ATP1B3: variants seen among roughly 807,000 people sequenced by gnomAD.
ATP1B3 encodes ATPase Na+/K+ transporting subunit beta 3, also known as sodium/potassium-transporting ATPase subunit beta-3.
ATP1B3 carries 10 observed loss-of-function variants against 30.2 expected under a neutral mutation model. That is an observed-to-expected ratio of 0.33 (90% CI 0.20 to 0.56). The LOEUF (loss-of-function observed/expected upper bound fraction) is 0.56. ATP1B3 is among the 20% of genes least tolerant of loss of function. The pLI is 0.90. For synonymous variants in ATP1B3, 113 were observed against 117.0 expected, an observed-to-expected ratio of 0.97 and a Z score of 0.22; for missense variants, 238 against 336.7, an observed-to-expected ratio of 0.71 and a Z score of 2.29.
At chr3:141,906,273 A>G (rs4683646) in intron 2 of ATP1B3, among the ~76,000 whole-genome samples, 16,403 of 151,578 alleles carry the variant, frequency 0.11, 1,087 homozygotes, top group Middle Eastern at 0.16. Flanking sequence ...TCTGTCTCCC[A>G]GGTTCAAGCA....
intron 4 of ATP1B3, among the ~76,000 whole-genome samples, chr3:141,914,179 G>C (rs1934415077): frequency 6.6e-6 from 1 of 152,206 alleles, no homozygotes; most frequent in Non-Finnish European, 1.5e-5. Flanking sequence ...TTAGGGTGCA[G>C]TGCTCATCTG....
intron 3 of ATP1B3, among the ~76,000 whole-genome samples, chr3:141,909,111 G>A (rs1372476022): frequency 6.6e-6 from 1 of 152,084 alleles, no homozygotes; most frequent in Admixed American, 6.6e-5. Context: ...ACCAAAAGCT[G>A]CTTCTGATCC....
At chr3:141,892,498 G>T (rs1057023146) in intron 1 of ATP1B3, among the ~76,000 whole-genome samples, 30 of 151,680 alleles carry the variant, frequency 2.0e-4, no homozygotes, top group Non-Finnish European at 1.3e-4. Flanking sequence ...ATTACAAATT[G>T]TTATTGAATA....
intron 1 of ATP1B3, among the ~76,000 whole-genome samples, chr3:141,887,667 T>C (rs1489550290): frequency 6.6e-6 from 1 of 152,224 alleles, no homozygotes; most frequent in African/African-American, 2.4e-5. Context: ...GTTCAGGTTT[T>C]TATCAGCTAG....
intron 6 of ATP1B3, 162 bp downstream of exon 6, chr3:141,922,225 C>A: frequency 2.0e-6 from 1 of 505,404 alleles, no homozygotes; most frequent in South Asian, 2.5e-5. Flanking sequence ...AATGGAGTTC[C>A]CACATTTACA....
intron 1 of ATP1B3, among the ~76,000 whole-genome samples, chr3:141,889,467 T>C (rs1933894728): frequency 6.6e-6 from 1 of 151,974 alleles, no homozygotes; most frequent in African/African-American, 2.4e-5. Context: ...CAATAGCTCA[T>C]GCCTGTGATC....
chr3:141,881,241 A>G (rs1933720599), intron 1 of ATP1B3, among the ~76,000 whole-genome samples: 1 of 152,004 alleles, frequency 6.6e-6, no homozygotes, highest in South Asian at 2.1e-4. Flanking sequence ...CAACTATGCC[A>G]TGATGTGTTG....
At chr3:141,896,774 T>A (rs946363935) in intron 1 of ATP1B3, among the ~76,000 whole-genome samples, 7 of 152,196 alleles carry the variant, frequency 4.6e-5, no homozygotes, top group Non-Finnish European at 8.8e-5. Flanking sequence ...TCTACTGTTT[T>A]AATTATGCTT....
intron 1 of ATP1B3, chr3:141,902,003 C>A: frequency 1.8e-6 from 1 of 569,540 alleles, no homozygotes; most frequent in Non-Finnish European, 2.9e-6. Flanking sequence ...TTCGTTCCTG[C>A]AGACACCTAG....
In ATP1B3 at chr3:141,889,742, A is replaced by AT. The variant is rs1222370871; in HGVS notation, c.109+12832_109+12833insT. On this transcript the variant is annotated intron_variant, in intron 1 of 6. Coordinates refer to ENST00000286371, the MANE Select transcript of ATP1B3 (RefSeq NM_001679.4). Reference sequence around the variant, plus strand: ...AGACTCCGTCTCAAAAAAAAAAAAAAAAAAAAAAATATATACACACACACA... The same window carrying AT: ...AGACTCCGTCTCAAAAAAAAAAAAAATAAAAAAAAATATATACACACACACA... Among the ~76,000 whole-genome samples, 22 of 103,502 alleles carry AT rather than the reference A, an allele frequency of 2.1e-4. 2 individuals are homozygous for AT. Among genetic ancestry groups the AT allele is most frequent in the African/African-American group, 7.1e-4 (19 of 26,944 alleles). 67.9% of individuals were successfully genotyped at this position (103,502 alleles called of 152,430 possible).
At chr3:141,913,900 T>C in intron 4 of ATP1B3, 64 bp downstream of exon 4, 2 of 1,457,954 alleles carry the variant, frequency 1.4e-6, no homozygotes, top group Non-Finnish European at 1.8e-6. Context: ...GAGGCAACTA[T>C]TTTTAGATTG....
At chr3:141,882,008 C>A (rs1411138365) in intron 1 of ATP1B3, among the ~76,000 whole-genome samples, 1 of 152,080 alleles carries the variant, frequency 6.6e-6, no homozygotes, top group Non-Finnish European at 1.5e-5. Context: ...AGTACGAGTG[C>A]TTTAAGATTA....
At chr3:141,889,407 C>T (rs1279468658) in intron 1 of ATP1B3, among the ~76,000 whole-genome samples, 2 of 151,656 alleles carry the variant, frequency 1.3e-5, no homozygotes, top group African/African-American at 4.9e-5. Context: ...ATGGAATTGC[C>T]AGTTTATAAT....
intron 1 of ATP1B3, among the ~76,000 whole-genome samples, chr3:141,892,340 T>C (rs1457876292): frequency 6.6e-6 from 1 of 152,190 alleles, no homozygotes; most frequent in Non-Finnish European, 1.5e-5. Flanking sequence ...AGCCAAGACC[T>C]ATTTTATTTT....
chr3:141,910,781 C>A (rs1559871715), intron 3 of ATP1B3, among the ~76,000 whole-genome samples: 1 of 149,674 alleles, frequency 6.7e-6, no homozygotes, highest in African/African-American at 2.5e-5. Flanking sequence ...CCCTGCCCCC[C>A]CCTTTTTTTT....
At position 141,905,951 on chromosome 3, in the gene ATP1B3, TATA is replaced by T. The variant is rs530169349; in HGVS notation, c.239-1212_239-1210del. Among the ~76,000 whole-genome samples, 313 of 152,096 alleles carry T rather than the reference TATA, an allele frequency of 2.1e-3. 1 individual carries two copies. Among genetic ancestry groups the T allele is most frequent in the African/African-American group, 5.9e-3 (243 of 41,530 alleles). ...AAATATACATGCATACACATGTACA[TATA>T]ATACATATATATTACATATGGGACA... is the stretch of plus-strand genomic sequence containing the variant. On this transcript the variant is annotated intron_variant, in intron 2 of 6. Transcript: ENST00000286371.
At chr3:141,877,010 C>T (rs1933610374) in intron 1 of ATP1B3, 100 bp downstream of exon 1, 9 of 922,934 alleles carry the variant, frequency 9.8e-6, no homozygotes, top group Non-Finnish European at 1.3e-5. Flanking sequence ...CTCCCAGCGC[C>T]GGGGCTCCCG....
At chr3:141,925,111 C>G (rs1934633036) in intron 6 of ATP1B3, among the ~76,000 whole-genome samples, 1 of 152,016 alleles carries the variant, frequency 6.6e-6, no homozygotes, top group Non-Finnish European at 1.5e-5. Context: ...CAGGTATGGA[C>G]TTACAGCTCC....
chr3:141,919,072 G>A (rs1354134963), intron 5 of ATP1B3: 1 of 152,214 alleles, frequency 6.6e-6, no homozygotes, highest in Admixed American at 6.5e-5. Context: ...TGGCTCTCCA[G>A]AACAGATGGA....
Sources: gnomAD v4.1 joint callset for allele counts (sites outside exome capture counted in the v4.1 genomes callset) on GRCh38, gnomAD v4.1.1 for gene constraint, MANE v1.5 for transcripts, NCBI Gene and HGNC (gene_info 2026-07-23, HGNC 2026-07-21) for gene names.